FBXL17: variants seen among roughly 807,000 people sequenced by gnomAD.
FBXL17 encodes F-box and leucine rich repeat protein 17, also known as F-box/LRR-repeat protein 17.
In FBXL17, 22 loss-of-function variants were observed where a neutral mutation model predicts 66.2. The observed-to-expected ratio is 0.33, with a 90% CI of 0.24 to 0.47. The LOEUF (loss-of-function observed/expected upper bound fraction) is 0.47. Among genes scored for constraint, FBXL17 ranks in the 20% least tolerant of loss-of-function variants. The pLI is 1.00. For missense variants in FBXL17, 878 were observed against 948.2 expected, an observed-to-expected ratio of 0.93 and a Z score of 0.97; for synonymous variants, 474 against 400.5, an observed-to-expected ratio of 1.18 and a Z score of -2.19.
intron 6 of FBXL17, among the ~76,000 whole-genome samples, chr5:108,045,032 G>A (rs1480654389): frequency 1.3e-5 from 2 of 151,992 alleles, no homozygotes; most frequent in Non-Finnish European, 2.9e-5. Context: ...CTCGTTCTTT[G>A]TCAGTATTGC....
chr5:107,958,929 C>A (rs766454860), intron 7 of FBXL17, among the ~76,000 whole-genome samples: 10 of 152,252 alleles, frequency 6.6e-5, no homozygotes, highest in Non-Finnish European at 1.3e-4. Context: ...AAAATAAATT[C>A]TGGCATATTA....
chr5:108,377,632 TTTGG>T (rs1403265922), intron 1 of FBXL17, among the ~76,000 whole-genome samples: 2 of 152,258 alleles, frequency 1.3e-5, no homozygotes, highest in African/African-American at 2.4e-5. Context: ...TTTCTTTGCT[TTTGG>T]TTGATTTCCA....
At chr5:107,903,124 C>T (rs539834564) in intron 7 of FBXL17, among the ~76,000 whole-genome samples, 212 of 152,164 alleles carry the variant, frequency 1.4e-3, no homozygotes, top group African/African-American at 4.9e-3. Context: ...CTTACAAAAA[C>T]AACAAAAAGA....
At chr5:108,345,955 A>G (rs1372239682) in intron 4 of FBXL17, among the ~76,000 whole-genome samples, 2 of 152,132 alleles carry the variant, frequency 1.3e-5, no homozygotes, top group Non-Finnish European at 2.9e-5. Flanking sequence ...AATTTGACTG[A>G]TTATCAGTAT....
chr5:107,914,073 A>G (rs1359586537), intron 7 of FBXL17, among the ~76,000 whole-genome samples: 2 of 145,532 alleles, frequency 1.4e-5, no homozygotes, highest in African/African-American at 5.1e-5. Flanking sequence ...GGAATACTTC[A>G]TTATAGATTT....
chr5:108,200,691 T>TG (rs763645844), intron 5 of FBXL17, among the ~76,000 whole-genome samples: 65 of 116,812 alleles, frequency 5.6e-4, no homozygotes, highest in Non-Finnish European at 1.0e-3. Flanking sequence ...AGCTTTTTCT[T>TG]GAAAAAAAAA....
intron 3 of FBXL17, 131 bp from the exon 4 acceptor site, chr5:108,348,661 T>C (rs1426953437): frequency 1.5e-5 from 14 of 941,002 alleles, no homozygotes; most frequent in South Asian, 8.6e-5. Context: ...TAAAATAAGA[T>C]AGAATGTAAG....
intron 7 of FBXL17, among the ~76,000 whole-genome samples, chr5:108,017,497 C>A (rs1011414046): frequency 2.0e-5 from 3 of 152,160 alleles, no homozygotes; most frequent in Non-Finnish European, 4.4e-5. Flanking sequence ...GTCGACTATG[C>A]CACCAGGCAC....
At chr5:107,906,592 G>C (rs1897583) in intron 7 of FBXL17, among the ~76,000 whole-genome samples, 60 of 152,138 alleles carry the variant, frequency 3.9e-4, no homozygotes, top group African/African-American at 1.4e-3. Context: ...GTAGGGACAG[G>C]ACTGGAGTCC....
intron 4 of FBXL17, chr5:108,297,615 T>G (rs528674927): frequency 2.9e-4 from 46 of 160,720 alleles, no homozygotes; most frequent in Non-Finnish European, 5.7e-4. Flanking sequence ...ACGAGAATTT[T>G]AAGAATCATA....
chr5:107,941,429 AAGT>A (rs541374231), intron 7 of FBXL17, among the ~76,000 whole-genome samples: 153 of 152,280 alleles, frequency 1.0e-3, no homozygotes, highest in African/African-American at 3.7e-3. Flanking sequence ...TACATAATGG[AAGT>A]ATCTGCAACA....
chr5:108,139,399 G>T (rs954019794), intron 6 of FBXL17, among the ~76,000 whole-genome samples: 3 of 152,178 alleles, frequency 2.0e-5, no homozygotes, highest in Non-Finnish European at 4.4e-5. Flanking sequence ...TGGATTCACA[G>T]CACCTCCAGT....
In FBXL17 at chr5:108,363,383, T is replaced by C. The variant is rs548130511; in HGVS notation, c.1374+1355A>G. 3.3e-5 allele frequency among the ~76,000 whole-genome samples: 5 copies of C among 152,070 alleles called. No homozygotes were observed. The South Asian group carries it at 1.0e-3, about 31-fold the overall frequency. On this transcript the variant is annotated intron_variant, in intron 3 of 8. Transcript: ENST00000542267. ...TAGCGGTCTTAAGTACAGAAAAATATTCTCTACACTGCAATGAGATCCTAT... is the reference window on the plus strand; with the variant it reads ...TAGCGGTCTTAAGTACAGAAAAATACTCTCTACACTGCAATGAGATCCTAT...
chr5:108,238,611 G>A (rs1362184189), intron 4 of FBXL17, among the ~76,000 whole-genome samples: 2 of 152,086 alleles, frequency 1.3e-5, no homozygotes, highest in East Asian at 1.9e-4. Flanking sequence ...CCCAGGCTCC[G>A]GTAATCCTCC....
intron 4 of FBXL17, among the ~76,000 whole-genome samples, chr5:108,325,856 G>A (rs770587613): frequency 1.3e-5 from 2 of 152,064 alleles, no homozygotes; most frequent in Non-Finnish European, 2.9e-5. Flanking sequence ...GAAATACAGG[G>A]GATAGAAGTG....
chr5:108,260,226 TG>T (rs990123317), intron 4 of FBXL17, among the ~76,000 whole-genome samples: 7 of 151,974 alleles, frequency 4.6e-5, no homozygotes, highest in African/African-American at 1.5e-4. Flanking sequence ...ATTAGTAATA[TG>T]GGGCAGCTTA....
chr5:108,196,987 A>G (rs184916702), intron 5 of FBXL17, among the ~76,000 whole-genome samples: 4 of 152,250 alleles, frequency 2.6e-5, no homozygotes, highest in African/African-American at 9.6e-5. Context: ...CAGAAATGTG[A>G]ATTTGTTAAT....
chr5:107,993,052 C>T (rs1414465489), intron 7 of FBXL17, among the ~76,000 whole-genome samples: 5 of 152,040 alleles, frequency 3.3e-5, no homozygotes, highest in African/African-American at 4.8e-5. Flanking sequence ...CCCGCCACCA[C>T]GCCTGGCTAA....
chr5:107,973,552 T>C (rs905470456), intron 7 of FBXL17, among the ~76,000 whole-genome samples: 5 of 152,034 alleles, frequency 3.3e-5, no homozygotes, highest in Non-Finnish European at 5.9e-5. Flanking sequence ...GCTGACAGTA[T>C]AGTTTTTCTG....
Sources: allele counts gnomAD v4.1 joint callset (sites outside exome capture counted in the v4.1 genomes callset), GRCh38; gene constraint gnomAD v4.1.1; transcripts MANE v1.5; gene names NCBI Gene and HGNC (gene_info 2026-07-23, HGNC 2026-07-21).